PPP3CA: variants seen among roughly 807,000 people sequenced by gnomAD.
PPP3CA encodes CAM-PRP catalytic subunit.
In PPP3CA, 14 loss-of-function variants were observed where a neutral mutation model predicts 66.5. That is an observed-to-expected ratio of 0.21 (90% CI 0.14 to 0.33). The LOEUF (loss-of-function observed/expected upper bound fraction) is 0.33. PPP3CA is among the 10% of genes least tolerant of loss of function. The pLI, the probability that PPP3CA is intolerant of heterozygous loss-of-function variation, is 1.00. For missense variants in PPP3CA, 317 were observed against 639.5 expected, an observed-to-expected ratio of 0.50 and a Z score of 5.44; for synonymous variants, 232 against 226.2, an observed-to-expected ratio of 1.03 and a Z score of -0.23.
chr4:101,215,485 T>C (rs1362097887), intron 1 of PPP3CA, among the ~76,000 whole-genome samples: 3 of 152,078 alleles, frequency 2.0e-5, no homozygotes, highest in African/African-American at 7.2e-5. Flanking sequence ...TTTCTATTTT[T>C]TTCTCTTCAA....
intron 1 of PPP3CA, among the ~76,000 whole-genome samples, chr4:101,221,251 G>A (rs946648536): frequency 2.0e-5 from 3 of 151,562 alleles, no homozygotes; most frequent in East Asian, 3.9e-4. Flanking sequence ...AAGCAGCCAC[G>A]CTATAGTGCC....
At chr4:101,221,086 T>C (rs993754409) in intron 1 of PPP3CA, among the ~76,000 whole-genome samples, 3 of 151,678 alleles carry the variant, frequency 2.0e-5, no homozygotes, top group African/African-American at 7.2e-5. Context: ...GAGAAAGACT[T>C]CCAAATTCCT....
At chr4:101,345,017 G>A (rs1299614615) in intron 1 of PPP3CA, among the ~76,000 whole-genome samples, 2 of 152,174 alleles carry the variant, frequency 1.3e-5, no homozygotes, top group Non-Finnish European at 2.9e-5. Context: ...GCAAAACACA[G>A]CTCTCTCAAA....
At chr4:101,141,354 A>G (rs1287450936) in intron 2 of PPP3CA, among the ~76,000 whole-genome samples, 1 of 152,134 alleles carries the variant, frequency 6.6e-6, no homozygotes. Flanking sequence ...TGGGCAAAAG[A>G]GAGAGACACT....
chr4:101,061,691 A>C (rs1278111248), intron 9 of PPP3CA, among the ~76,000 whole-genome samples: 1 of 152,098 alleles, frequency 6.6e-6, no homozygotes, highest in East Asian at 1.9e-4. Context: ...ATGTATTGAC[A>C]GAAATATCAT....
chr4:101,130,132 A>G (rs1464293388), intron 2 of PPP3CA, among the ~76,000 whole-genome samples: 1 of 152,024 alleles, frequency 6.6e-6, no homozygotes, highest in Admixed American at 6.6e-5. Context: ...AAATTGACCA[A>G]GCGGAAGAAA....
chr4:101,297,375 A>G (rs1362027824), intron 1 of PPP3CA, among the ~76,000 whole-genome samples: 1 of 152,224 alleles, frequency 6.6e-6, no homozygotes, highest in Non-Finnish European at 1.5e-5. Context: ...GATCATAATC[A>G]TTTACCATGT....
chr4:101,061,490 A>G (rs1010412427), intron 9 of PPP3CA, among the ~76,000 whole-genome samples: 13 of 152,126 alleles, frequency 8.5e-5, no homozygotes, highest in African/African-American at 3.1e-4. Context: ...TTAGTCACAC[A>G]ATGATAAGGC....
intron 1 of PPP3CA, among the ~76,000 whole-genome samples, chr4:101,216,102 A>C (rs1725443959): frequency 6.6e-6 from 1 of 152,138 alleles, no homozygotes; most frequent in Non-Finnish European, 1.5e-5. Context: ...TCTAAAAATT[A>C]CGGTGCTTTT....
intron 2 of PPP3CA, among the ~76,000 whole-genome samples, chr4:101,195,430 A>C (rs568675821): frequency 6.6e-6 from 1 of 152,302 alleles, no homozygotes; most frequent in East Asian, 1.9e-4. Context: ...CACCCCAGGT[A>C]CTGTGATTCA....
chr4:101,035,066 G>A (rs1262560004), intron 11 of PPP3CA, among the ~76,000 whole-genome samples: 3 of 152,064 alleles, frequency 2.0e-5, no homozygotes, highest in Non-Finnish European at 4.4e-5. Flanking sequence ...AGGAGTTTGA[G>A]ACCAGCCTGG....
chr4:101,053,980 T>G (rs1728119150), intron 10 of PPP3CA, among the ~76,000 whole-genome samples: 1 of 152,046 alleles, frequency 6.6e-6, no homozygotes, highest in African/African-American at 2.4e-5. Flanking sequence ...TTGAAAAAGT[T>G]TTTGCCTTTT....
intron 1 of PPP3CA, among the ~76,000 whole-genome samples, chr4:101,297,901 T>A (rs780942095): frequency 9.2e-5 from 14 of 152,198 alleles, no homozygotes; most frequent in Non-Finnish European, 1.6e-4. Context: ...TTGAATAGTT[T>A]AGCTGTTTTT....
intron 2 of PPP3CA, among the ~76,000 whole-genome samples, chr4:101,118,773 A>G (rs1246392108): frequency 6.6e-6 from 1 of 151,958 alleles, no homozygotes; most frequent in Non-Finnish European, 1.5e-5. Flanking sequence ...TACAGAATGC[A>G]TAGACTTCTA....
At chr4:101,115,679 C>G (rs1433578984) in intron 2 of PPP3CA, among the ~76,000 whole-genome samples, 3 of 151,736 alleles carry the variant, frequency 2.0e-5, no homozygotes, top group African/African-American at 7.3e-5. Context: ...ACAGCTGTCA[C>G]CCTGAATAGA....
In PPP3CA at chr4:101,145,159, C is replaced by T. The variant is rs143070595; in HGVS notation, c.260-36081G>A. On this transcript the variant is annotated intron_variant, in intron 2 of 13. Coordinates refer to ENST00000394854, the MANE Select transcript of PPP3CA (RefSeq NM_000944.5). Reference sequence around the variant, plus strand: ...ATATAATGTTTTCAGGAAAAAAAATCTTAAAAGGAAACTTTGTCTGCTGTT... The same window carrying T: ...ATATAATGTTTTCAGGAAAAAAAATTTTAAAAGGAAACTTTGTCTGCTGTT... 5.0e-3 allele frequency among the ~76,000 whole-genome samples: 761 copies of T among 152,100 alleles called. 11 individuals carry two copies. The highest frequency in any genetic ancestry group is 0.017 in the African/African-American group (712 of 41,520).
At position 101,032,382 on chromosome 4, in the gene PPP3CA, G is replaced by A; in HGVS notation, c.1242-18C>T. ...TCTCTTCTCTGGAAGGCACAATGAG[G>A]GGCGACATTAACTTTTAATTTCTTT... On this transcript the variant is annotated intron_variant, in intron 11 of 13. Transcript: ENST00000394854. The A allele has an allele frequency of 2.5e-6, 4 of 1,590,432 alleles. No individual in the cohort carries two copies. The highest frequency in any genetic ancestry group is 3.4e-6 in the Non-Finnish European group (4 of 1,161,166).
intron 1 of PPP3CA, among the ~76,000 whole-genome samples, chr4:101,218,045 T>C (rs533076526): frequency 9.9e-5 from 15 of 152,234 alleles, no homozygotes; most frequent in African/African-American, 3.4e-4. Flanking sequence ...CATCTTCATT[T>C]TTTGGAACTT....
intron 1 of PPP3CA, among the ~76,000 whole-genome samples, chr4:101,295,036 T>C (rs944162367): frequency 1.1e-4 from 17 of 151,242 alleles, no homozygotes; most frequent in African/African-American, 4.1e-4. Flanking sequence ...GCGCGGTGGC[T>C]CACGCCTGTA....
Sources: gnomAD v4.1 joint callset for allele counts (sites outside exome capture counted in the v4.1 genomes callset) on GRCh38, gnomAD v4.1.1 for gene constraint, MANE v1.5 for transcripts, NCBI Gene and HGNC (gene_info 2026-07-23, HGNC 2026-07-21) for gene names.